The following NME7 variants were observed in gnomAD, a reference collection of about 807,000 sequenced individuals.
NME7 encodes the protein NME/NM23 family member 7, also known as nucleoside diphosphate kinase 7.
Under a neutral mutation model 49.1 loss-of-function variants are expected in NME7, and 41 were observed. The ratio of observed to expected loss-of-function variants is 0.83; its 90% CI spans 0.65 to 1.08. The LOEUF (loss-of-function observed/expected upper bound fraction) is 1.08. NME7 is among the 50% of genes least tolerant of loss of function. The pLI is 0.00. For missense variants in NME7, 423 were observed against 463.4 expected (o/e 0.91, Z 0.80); for synonymous variants, 139 against 150.6 (o/e 0.92, Z 0.56).
chr1:169,293,933 T>C (rs1185824263), intron 6 of NME7, among the ~76,000 whole-genome samples: 3 of 152,058 alleles, frequency 2.0e-5, no homozygotes, highest in Non-Finnish European at 4.4e-5. Context: ...GTCATAGACT[T>C]TTTTTTAACC....
At chr1:169,223,469 T>C (rs899675908) in intron 10 of NME7, among the ~76,000 whole-genome samples, 3 of 152,184 alleles carry the variant, frequency 2.0e-5, no homozygotes, top group African/African-American at 7.2e-5. Flanking sequence ...TGGTTTCCTA[T>C]TTTAGTAACA....
intron 3 of NME7, among the ~76,000 whole-genome samples, chr1:169,319,873 A>C (rs35220898): frequency 0.24 from 36,686 of 152,114 alleles, 5,456 homozygotes; most frequent in Non-Finnish European, 0.34. Flanking sequence ...AGGATTGCTC[A>C]ATGTAAATAT....
intron 10 of NME7, among the ~76,000 whole-genome samples, chr1:169,175,536 CA>C (rs1659726630): frequency 6.6e-6 from 1 of 152,072 alleles, no homozygotes; most frequent in Non-Finnish European, 1.5e-5. Context: ...CCAACATCAC[CA>C]CAAACACGTG....
At chr1:169,363,011 G>A (rs1653715196) in intron 1 of NME7, among the ~76,000 whole-genome samples, 1 of 152,082 alleles carries the variant, frequency 6.6e-6, no homozygotes, top group African/African-American at 2.4e-5. Flanking sequence ...AGGCCAAGGT[G>A]GGAGGATCAC....
chr1:169,362,813 T>G (rs1653707829), intron 1 of NME7, among the ~76,000 whole-genome samples: 1 of 152,064 alleles, frequency 6.6e-6, no homozygotes. Flanking sequence ...AACTTGAAAA[T>G]TTTACTCTAG....
intron 7 of NME7, among the ~76,000 whole-genome samples, chr1:169,256,402 T>C (rs1048403567): frequency 7.5e-6 from 1 of 134,124 alleles, no homozygotes; most frequent in African/African-American, 2.5e-5. Flanking sequence ...CGAGCCTTGG[T>C]TTTCAGCTCC....
intron 10 of NME7, among the ~76,000 whole-genome samples, chr1:169,186,239 A>C (rs1006703472): frequency 2.0e-5 from 3 of 152,142 alleles, no homozygotes; most frequent in Non-Finnish European, 2.9e-5. Context: ...CATTAGGTTG[A>C]GAATTGAAAC....
chr1:169,278,484 C>G (rs934710324), intron 7 of NME7, among the ~76,000 whole-genome samples: 1 of 152,126 alleles, frequency 6.6e-6, no homozygotes, highest in Non-Finnish European at 1.5e-5. Flanking sequence ...CGCATCGACT[C>G]CTGAGGCTTC....
At chr1:169,143,086 A>G (rs537652865) in intron 11 of NME7, among the ~76,000 whole-genome samples, 9 of 152,066 alleles carry the variant, frequency 5.9e-5, no homozygotes, top group African/African-American at 2.2e-4. Flanking sequence ...TCCCAACCTG[A>G]CCCCCTTCAG....
chr1:169,155,491 T>C (rs1340499458), intron 11 of NME7, among the ~76,000 whole-genome samples: 1 of 152,232 alleles, frequency 6.6e-6, no homozygotes, highest in African/African-American at 2.4e-5. Context: ...CTACAGAAGA[T>C]GCAATGCTGT....
chr1:169,187,308 TTC>T (rs1660094664), intron 10 of NME7, among the ~76,000 whole-genome samples: 2 of 152,140 alleles, frequency 1.3e-5, no homozygotes, highest in East Asian at 3.9e-4. Flanking sequence ...CTTGTTAATT[TTC>T]TGTCTCGTTG....
At position 169,250,828 on chromosome 1, in the gene NME7, T is replaced by C. The variant is rs78193803; in HGVS notation, c.755-13141A>G. ...GATTTGTAGTTTTATTCCACTGTGG[T>C]CTGAGAAGATACCTGATAACATTTC... On this transcript the variant is annotated intron_variant, in intron 7 of 11. Transcript: ENST00000367811. Among the ~76,000 whole-genome samples the C allele has an allele frequency of 6.9e-3, 1,047 of 152,180 alleles. 16 individuals carry two copies. Among genetic ancestry groups the C allele is most frequent in the African/African-American group, 0.024 (983 of 41,530 alleles).
intron 11 of NME7, among the ~76,000 whole-genome samples, chr1:169,168,052 A>G (rs556891491): frequency 6.6e-6 from 1 of 152,148 alleles, no homozygotes; most frequent in Non-Finnish European, 1.5e-5. Flanking sequence ...CTCCTAGTAG[A>G]TAGAAAACAC....
At chr1:169,340,166 T>G (rs1333017198) in intron 1 of NME7, among the ~76,000 whole-genome samples, 2 of 152,170 alleles carry the variant, frequency 1.3e-5, no homozygotes, top group African/African-American at 4.8e-5. Flanking sequence ...TGAATTATAA[T>G]CCCCATGTGT....
chr1:169,276,362 T>A (rs7526337), intron 7 of NME7, among the ~76,000 whole-genome samples: 61,691 of 131,620 alleles, frequency 0.47, 21,904 homozygotes, highest in East Asian at 0.91. Context: ...CTACAATTTC[T>A]GAGCCTGTTA....
chr1:169,168,963 A>T (rs1420954168), intron 11 of NME7: 37 of 444,212 alleles, frequency 8.3e-5, no homozygotes, highest in Non-Finnish European at 1.3e-4. Flanking sequence ...TCAAGGGTCA[A>T]CTGTATGTAT....
chr1:169,217,598 T>A (rs1661006878), intron 10 of NME7, among the ~76,000 whole-genome samples: 1 of 152,202 alleles, frequency 6.6e-6, no homozygotes, highest in Admixed American at 6.5e-5. Flanking sequence ...ACTATCCAAA[T>A]TGTAAAATCT....
intron 1 of NME7, among the ~76,000 whole-genome samples, chr1:169,338,265 T>C (rs971005019): frequency 6.6e-6 from 1 of 152,194 alleles, no homozygotes; most frequent in Non-Finnish European, 1.5e-5. Flanking sequence ...CAAGATTGTG[T>C]TTTTTAATGT....
chr1:169,322,526 C>T (rs1157406347), intron 3 of NME7: 1 of 152,014 alleles, frequency 6.6e-6, no homozygotes, highest in Non-Finnish European at 1.5e-5. Context: ...TGAGGTATCA[C>T]TACAACAGTT....
Sources: allele counts gnomAD v4.1 joint callset (sites outside exome capture counted in the v4.1 genomes callset), GRCh38; gene constraint gnomAD v4.1.1; transcripts MANE v1.5; gene names NCBI Gene and HGNC (gene_info 2026-07-23, HGNC 2026-07-21).